The following TMEM39B variants were observed in gnomAD, a reference collection of about 807,000 sequenced individuals.
TMEM39B encodes transmembrane protein 39B.
TMEM39B carries 23 observed loss-of-function variants against 52.2 expected under a neutral mutation model. That is an observed-to-expected ratio of 0.44 (90% CI 0.32 to 0.62). The LOEUF (loss-of-function observed/expected upper bound fraction) is 0.62. Among genes scored for constraint, TMEM39B ranks in the 20% least tolerant of loss-of-function variants. The pLI, the probability that TMEM39B is intolerant of heterozygous loss-of-function variation, is 0.06. For missense variants in TMEM39B, 547 were observed against 642.0 expected (o/e 0.85, Z 1.60); for synonymous variants, 285 against 264.0 (o/e 1.08, Z -0.77).
chr1:32,073,087 GCGGGCGCA>G (rs1391151847), intron 1 of TMEM39B, 36 bp downstream of exon 1: 1 of 1,449,102 alleles, frequency 6.9e-7, no homozygotes, highest in Non-Finnish European at 9.1e-7. Flanking sequence ...CTGGCAACGA[GCGGGCGCA>G]CGGGTTAGGA....
At chr1:32,090,993 G>A (rs1436045871) in intron 5 of TMEM39B, among the ~76,000 whole-genome samples, 2 of 151,994 alleles carry the variant, frequency 1.3e-5, no homozygotes, top group Non-Finnish European at 2.9e-5. Flanking sequence ...TCACTATGTT[G>A]CCCAGGCTGG....
chr1:32,088,563 C>A (rs1640472588), intron 5 of TMEM39B, among the ~76,000 whole-genome samples: 1 of 123,688 alleles, frequency 8.1e-6, no homozygotes, highest in Non-Finnish European at 1.8e-5. Flanking sequence ...CCCTCACTCC[C>A]ATTTTTTTTT....
At position 32,100,457 on chromosome 1, in the gene TMEM39B, C is replaced by T; in HGVS notation, c.1131C>T (p.Cys377=). ...GTGCCCCCAGGTGGACTGAAGAATGCATGTGGCCGCAGGGCGTGCTGGTGA... is the reference window on the plus strand; with the variant it reads ...GTGCCCCCAGGTGGACTGAAGAATGTATGTGGCCGCAGGGCGTGCTGGTGA... ...NVLQHPWTEE[C]MWPQGVLVKH... Residue 377 remains cysteine, a synonymous_variant, in exon 8 of 9, where the codon TGC becomes TGT. Coordinates refer to ENST00000336294, the MANE Select transcript of TMEM39B (RefSeq NM_018056.4). 1 of 1,599,716 alleles carries T rather than the reference C, an allele frequency of 6.3e-7. No individual in the cohort carries two copies. The highest frequency in any genetic ancestry group is 8.5e-7 in the Non-Finnish European group (1 of 1,172,844).
chr1:32,079,629 G>T (rs1348856665), intron 5 of TMEM39B, among the ~76,000 whole-genome samples: 1 of 152,002 alleles, frequency 6.6e-6, no homozygotes, highest in African/African-American at 2.4e-5. Flanking sequence ...GAATTCCTCG[G>T]CTCAAGCAAT....
chr1:32,096,945 A>T (rs1229233293), intron 7 of TMEM39B, among the ~76,000 whole-genome samples: 1 of 152,030 alleles, frequency 6.6e-6, no homozygotes, highest in East Asian at 1.9e-4. Context: ...CTGGGATTAC[A>T]GGCGCATGCC....
intron 7 of TMEM39B, among the ~76,000 whole-genome samples, chr1:32,095,361 G>A (rs545370502): frequency 1.3e-5 from 2 of 152,302 alleles, no homozygotes; most frequent in South Asian, 4.1e-4. Flanking sequence ...CAGGCCTGTG[G>A]ATGTGCCAGG....
chr1:32,085,522 G>A (rs1468846097), intron 5 of TMEM39B, among the ~76,000 whole-genome samples: 1 of 152,148 alleles, frequency 6.6e-6, no homozygotes, highest in Non-Finnish European at 1.5e-5. Flanking sequence ...GGAGGCCAAG[G>A]TGGGTGGATC....
chr1:32,089,792 C>T (rs1382258523), intron 5 of TMEM39B, among the ~76,000 whole-genome samples: 1 of 151,582 alleles, frequency 6.6e-6, no homozygotes, highest in Non-Finnish European at 1.5e-5. Flanking sequence ...AATCCCAGCA[C>T]TTTGGGAGGC....
intron 7 of TMEM39B, among the ~76,000 whole-genome samples, chr1:32,097,051 C>T (rs1309913725): frequency 6.6e-6 from 1 of 152,052 alleles, no homozygotes; most frequent in Non-Finnish European, 1.5e-5. Flanking sequence ...GCGATCCACC[C>T]ACCTCGACCT....
At chr1:32,080,635 A>G (rs941295031) in intron 5 of TMEM39B, among the ~76,000 whole-genome samples, 2 of 148,898 alleles carry the variant, frequency 1.3e-5, no homozygotes, top group South Asian at 4.3e-4. Flanking sequence ...CCACTGCACC[A>G]CTGCACTCCA....
intron 5 of TMEM39B, among the ~76,000 whole-genome samples, chr1:32,079,307 C>T (rs1207973361): frequency 6.6e-6 from 1 of 151,822 alleles, no homozygotes; most frequent in African/African-American, 2.4e-5. Context: ...GCCTCAGCCT[C>T]CTGAGTAGCT....
At chr1:32,073,780 A>G (rs1639738853) in intron 1 of TMEM39B, 1 of 985,294 alleles carries the variant, frequency 1.0e-6, no homozygotes. Context: ...ATCCAAGCCC[A>G]AAATTGGCTC....
At chr1:32,094,658 G>C in intron 6 of TMEM39B, 126 bp from the exon 7 acceptor site, 1 of 1,044,340 alleles carries the variant, frequency 9.6e-7, no homozygotes, top group Non-Finnish European at 1.4e-6. Flanking sequence ...TTTGATTCTT[G>C]GTTTCAGGCT....
chr1:32,077,620 C>T (rs1639921895), intron 5 of TMEM39B, among the ~76,000 whole-genome samples: 1 of 152,164 alleles, frequency 6.6e-6, no homozygotes, highest in Non-Finnish European at 1.5e-5. Flanking sequence ...TTGTCTCCCT[C>T]GCTCTTCCTT....
intron 7 of TMEM39B, among the ~76,000 whole-genome samples, chr1:32,099,331 G>T (rs1228712521): frequency 1.3e-5 from 2 of 151,988 alleles, no homozygotes; most frequent in Non-Finnish European, 2.9e-5. Flanking sequence ...GGGGTGGGGT[G>T]GGGGAGGGAT....
chr1:32,087,652 TTTTTTTTTTTC>T (rs1409476872), intron 5 of TMEM39B: 1 of 141,076 alleles, frequency 7.1e-6, no homozygotes, highest in Non-Finnish European at 1.6e-5. Context: ...TTCATCTCTC[TTTTTTTTTTTC>T]TTTTTTTTTT....
chr1:32,073,277 G>A (rs371842773), intron 1 of TMEM39B: 5 of 560,192 alleles, frequency 8.9e-6, no homozygotes, highest in South Asian at 6.9e-5. Context: ...GAAGCCCTGT[G>A]GGGGCTTGGG....
intron 7 of TMEM39B, among the ~76,000 whole-genome samples, chr1:32,098,347 T>C (rs1024937572): frequency 1.3e-5 from 2 of 151,700 alleles, no homozygotes; most frequent in African/African-American, 4.8e-5. Flanking sequence ...GCAAGAGCAT[T>C]GGGTTGAGAA....
chr1:32,100,604 G>T, intron 8 of TMEM39B, 42 bp downstream of exon 8: 1 of 1,613,638 alleles, frequency 6.2e-7, no homozygotes. Context: ...GGCCTGAGAG[G>T]GTGGGAGGAT....
Sources: gnomAD v4.1 joint callset for allele counts (sites outside exome capture counted in the v4.1 genomes callset) on GRCh38, gnomAD v4.1.1 for gene constraint, MANE v1.5 for transcripts, NCBI Gene and HGNC (gene_info 2026-07-23, HGNC 2026-07-21) for gene names.